The following CCDC158 variants were observed in gnomAD, a reference collection of about 807,000 sequenced individuals.
CCDC158 encodes the protein coiled-coil domain-containing protein 158.
A neutral mutation model predicts 138.6 loss-of-function variants in CCDC158; 116 were observed. That is an observed-to-expected ratio of 0.84 (90% CI 0.72 to 0.98). The LOEUF is 0.98. Among genes scored for constraint, CCDC158 ranks in the 50% least tolerant of loss-of-function variants. CCDC158 has a pLI of 0.00. For missense variants in CCDC158, 1,265 were observed against 1,306.1 expected (o/e 0.97, Z 0.48); for synonymous variants, 436 against 442.4 (o/e 0.99, Z 0.18).
chr4:76,379,563 C>T (rs949703253), intron 8 of CCDC158, among the ~76,000 whole-genome samples, 159 bp from the exon 9 acceptor site: 2 of 152,076 alleles, frequency 1.3e-5, no homozygotes, highest in Admixed American at 6.6e-5. Flanking sequence ...AAAAGTTTCA[C>T]CTCAAATATA....
chr4:76,414,288 C>T (rs1729521507), intron 1 of CCDC158: 1 of 152,172 alleles, frequency 6.6e-6, no homozygotes, highest in South Asian at 2.1e-4. Context: ...CTTTTCATCT[C>T]CTCACTAAAC....
intron 18 of CCDC158, among the ~76,000 whole-genome samples, chr4:76,339,861 G>T (rs144158161): frequency 6.6e-6 from 1 of 152,296 alleles, no homozygotes; most frequent in East Asian, 1.9e-4. Flanking sequence ...TAAAGTACAT[G>T]CCTTTAACTC....
chr4:76,356,694 T>C (rs1421422950), intron 14 of CCDC158: 3 of 152,202 alleles, frequency 2.0e-5, no homozygotes, highest in Admixed American at 6.5e-5. Flanking sequence ...AATTTTAGTA[T>C]AAGTGCGGCC....
At chr4:76,418,697 G>A (rs577550466) in intron 1 of CCDC158, among the ~76,000 whole-genome samples, 2 of 152,246 alleles carry the variant, frequency 1.3e-5, no homozygotes, top group African/African-American at 4.8e-5. Context: ...ACTATCACGA[G>A]AACAGCACAG....
At chr4:76,344,994 A>G in intron 18 of CCDC158, 1 of 1,442,244 alleles carries the variant, frequency 6.9e-7, no homozygotes, top group Non-Finnish European at 9.8e-7. Flanking sequence ...GAGGTAGATG[A>G]CTTCTTTGAG....
At chr4:76,380,395 C>A (rs1230127957) in intron 8 of CCDC158, among the ~76,000 whole-genome samples, 1 of 152,154 alleles carries the variant, frequency 6.6e-6, no homozygotes. Flanking sequence ...ATCACTCTCA[C>A]TATGCTTTAG....
intron 4 of CCDC158, among the ~76,000 whole-genome samples, chr4:76,392,182 C>T (rs764713829): frequency 2.6e-5 from 4 of 151,942 alleles, no homozygotes; most frequent in Admixed American, 6.6e-5. Context: ...AAGAAAACTA[C>T]AGGTCAGTAT....
At chr4:76,382,788 A>C (rs1726395331) in intron 7 of CCDC158, 68 bp from the exon 8 acceptor site, 2 of 1,075,290 alleles carry the variant, frequency 1.9e-6, no homozygotes, top group Admixed American at 4.1e-5. Flanking sequence ...TATTTTAAAA[A>C]TTAATGATTT....
At chr4:76,385,777 C>T (rs62303267) in intron 4 of CCDC158, among the ~76,000 whole-genome samples, 46,858 of 151,898 alleles carry the variant, frequency 0.31, 9,220 homozygotes, top group Non-Finnish European at 0.44. Context: ...TACTGAGTCC[C>T]TAGCAAGGTG....
At chr4:76,379,743 TACACACACACACACACACACAC>T in intron 8 of CCDC158, among the ~76,000 whole-genome samples, 2 of 147,080 alleles carry the variant, frequency 1.4e-5, no homozygotes, top group South Asian at 2.2e-4. Flanking sequence ...TCATATATAT[TACACACACACACACACACACAC>T]ACACACACAC....
chr4:76,400,322 C>T (rs547485881), intron 3 of CCDC158, among the ~76,000 whole-genome samples: 22 of 144,668 alleles, frequency 1.5e-4, no homozygotes, highest in African/African-American at 5.4e-4. Flanking sequence ...CCAAACACCG[C>T]ATGTTCTTAC....
intron 18 of CCDC158, among the ~76,000 whole-genome samples, chr4:76,336,383 C>A (rs1721511513): frequency 6.6e-6 from 1 of 152,074 alleles, no homozygotes; most frequent in Non-Finnish European, 1.5e-5. Context: ...TTTATATATT[C>A]CATTACATAT....
intron 1 of CCDC158, among the ~76,000 whole-genome samples, chr4:76,418,847 T>TA (rs1453252982): frequency 2.0e-5 from 3 of 152,166 alleles, no homozygotes; most frequent in Non-Finnish European, 4.4e-5. Context: ...AAGTGTAAAT[T>TA]AGCTGCCTGG....
Position 76,384,293 on chromosome 4 carries a change from T to G in CCDC158, c.521A>C (p.Gln174Pro), listed in dbSNP as rs1726574114. ...ATGACTAAGCATCATTTTTCGTAGT[T>G]GCTCTATCTGTGTGTTGCTGTCTTT... is the stretch of plus-strand genomic sequence containing the variant. Reference protein sequence around the residue: ...MLKDSNTQIEQLRKMMLSHEG... With the variant: ...MLKDSNTQIEPLRKMMLSHEG... Residue 174 changes from glutamine to proline, a missense_variant, in exon 6 of 25, where the codon CAA (glutamine) becomes CCA (proline). Physicochemically the swap from Gln to Pro is moderately conservative, Grantham distance 76. Transcript: ENST00000682701. 1.2e-6 allele frequency: 2 copies of G among 1,614,042 alleles called. No homozygotes were observed. The highest frequency in any genetic ancestry group is 1.7e-6 in the Non-Finnish European group (2 of 1,180,016).
chr4:76,332,481 C>T lies in CCDC158; in HGVS notation c.2833G>A (p.Val945Ile). Residue 945 changes from valine to isoleucine, a missense_variant, in exon 20 of 25, where the codon GTA becomes ATA. Transcript: ENST00000682701. Reference sequence around the variant, plus strand: ...CTGGATTCAGTAATGCAATCTCTTACCCTATCCTCTCTGTATAGAAAATAT... The same window carrying T: ...CTGGATTCAGTAATGCAATCTCTTATCCTATCCTCTCTGTATAGAAAATAT... ...GALYVAVEDR[V>I]RDCITESSLR... The T allele has an allele frequency of 6.2e-7, 1 of 1,607,140 alleles. No homozygotes were observed.
Position 76,331,294 on chromosome 4 carries a change from T to C in CCDC158, c.2942+50A>G, listed in dbSNP as rs58968074. The C allele has an allele frequency of 1.9e-3, 2,752 of 1,473,890 alleles. 40 individuals carry two copies. The East Asian group carries it at 0.044, about 24-fold the overall frequency. 91.3% of individuals were successfully genotyped at this position (1,473,890 alleles called of 1,614,324 possible). ...AGTTAAAGATCTTTTGAATTAATAATGAACAGTCGTAAAAGGGACATTTTG... is the reference window on the plus strand; with the variant it reads ...AGTTAAAGATCTTTTGAATTAATAACGAACAGTCGTAAAAGGGACATTTTG... On this transcript the variant is annotated intron_variant, in intron 21 of 24. Transcript: ENST00000682701.
chr4:76,355,281 G>T, intron 15 of CCDC158, 43 bp downstream of exon 15: 1 of 1,231,118 alleles, frequency 8.1e-7, no homozygotes, highest in South Asian at 1.2e-5. Flanking sequence ...GTCTGCCTGT[G>T]AGTGAACATG....
intron 3 of CCDC158, among the ~76,000 whole-genome samples, chr4:76,402,409 T>C (rs934341121): frequency 6.6e-6 from 1 of 152,208 alleles, no homozygotes; most frequent in African/African-American, 2.4e-5. Context: ...TGGTGGTGGC[T>C]TCAGCTCCTT....
intron 18 of CCDC158, among the ~76,000 whole-genome samples, chr4:76,337,658 G>A (rs1409231804): frequency 6.6e-6 from 1 of 151,970 alleles, no homozygotes; most frequent in Non-Finnish European, 1.5e-5. Context: ...CTTGAACCCA[G>A]GAGGCAGAGG....
Sources: gnomAD v4.1 joint callset for allele counts (sites outside exome capture counted in the v4.1 genomes callset) on GRCh38, gnomAD v4.1.1 for gene constraint, MANE v1.5 for transcripts, NCBI Gene and HGNC (gene_info 2026-07-23, HGNC 2026-07-21) for gene names.